The following GNB5 variants were observed in gnomAD, a reference collection of about 807,000 sequenced individuals.
The protein encoded by GNB5 is guanine nucleotide-binding protein subunit beta-5.
GNB5 carries 37 observed loss-of-function variants against 55.3 expected under a neutral mutation model. That is an observed-to-expected ratio of 0.67 (90% CI 0.51 to 0.88). The LOEUF is 0.88. Ranked by LOEUF, GNB5 falls within the 40% of genes least tolerant of loss-of-function variation. The pLI, the probability that GNB5 is intolerant of heterozygous loss-of-function variation, is 0.00. For synonymous variants in GNB5, 219 were observed against 198.5 expected, an observed-to-expected ratio of 1.10 and a Z score of -0.87; for missense variants, 476 against 515.3, an observed-to-expected ratio of 0.92 and a Z score of 0.74.
chr15:52,128,354 A>C (rs2033481144), intron 9 of GNB5, 110 bp from the exon 10 acceptor site: 1 of 747,252 alleles, frequency 1.3e-6, no homozygotes, highest in Non-Finnish European at 2.4e-6. Context: ...GACTCAAGGA[A>C]CATTTGCAGC....
intron 8 of GNB5, among the ~76,000 whole-genome samples, chr15:52,133,718 T>C (rs897825049): frequency 2.0e-5 from 3 of 152,220 alleles, no homozygotes; most frequent in African/African-American, 7.2e-5. Flanking sequence ...TGTTTTCTTC[T>C]TTTGCACATT....
Position 52,184,643 on chromosome 15 carries a change from C to G in GNB5, c.34G>C (p.Gly12Arg), listed in dbSNP as rs1260148036. 3 of 1,613,140 alleles carry G rather than the reference C, an allele frequency of 1.9e-6. No homozygotes were observed. Among genetic ancestry groups the G allele is most frequent in the Non-Finnish European group, 2.5e-6 (3 of 1,179,344 alleles). ...CDQTFLVNVF[G>R]SCDKCFKQRA... is the part of the protein sequence containing the mutation. ...TGTTTGAAACATTTGTCACATGAGC[C>G]AAATACATTAACGAGAAAGGTCTGA... The change falls in exon 2 of 13, where the codon GGC becomes CGC. Residue 12 changes from glycine (G) to arginine (R), a missense_variant. Coordinates refer to ENST00000261837, the MANE Select transcript of GNB5 (RefSeq NM_016194.4).
chr15:52,184,762 T>G (rs1765833164), intron 1 of GNB5, 68 bp from the exon 2 acceptor site: 1 of 1,335,518 alleles, frequency 7.5e-7, no homozygotes, highest in South Asian at 1.3e-5. Flanking sequence ...CTAAAATCTC[T>G]TCTTGCTTGT....
Position 52,174,239 on chromosome 15 carries a change from G to A in GNB5, c.238+5529C>T, listed in dbSNP as rs540802878. On this transcript the variant is annotated intron_variant, in intron 3 of 12. Transcript: ENST00000261837. ...GACCTGCCCACCCATTTTAGTCACC[G>A]ATTATAGACCTCCAGCACTATAAGA... Among the ~76,000 whole-genome samples the A allele has an allele frequency of 6.6e-5, 10 of 152,280 alleles. No homozygotes were observed. In the East Asian group the frequency reaches 1.5e-3, roughly 24 times the overall value.
intron 4 of GNB5, among the ~76,000 whole-genome samples, chr15:52,153,130 C>T (rs1013114483): frequency 6.6e-6 from 1 of 152,214 alleles, no homozygotes; most frequent in African/African-American, 2.4e-5. Flanking sequence ...ACAACAGGAG[C>T]AATGGACTGT....
intron 11 of GNB5, 54 bp downstream of exon 11, chr15:52,125,894 T>G: frequency 1.3e-6 from 1 of 756,096 alleles, no homozygotes; most frequent in South Asian, 1.5e-5. Flanking sequence ...AGCGCTAGTT[T>G]CATTCTGGTC....
At chr15:52,181,121 C>T (rs1335853529) in intron 2 of GNB5, 2 of 152,228 alleles carry the variant, frequency 1.3e-5, no homozygotes, top group Non-Finnish European at 2.9e-5. Flanking sequence ...GTGCTGTCCC[C>T]ACCTCTCTGT....
intron 5 of GNB5, among the ~76,000 whole-genome samples, chr15:52,147,811 G>C (rs9972619): frequency 6.6e-6 from 1 of 152,116 alleles, no homozygotes. Flanking sequence ...TCGAACTCCT[G>C]ACTTCAAGTG....
At chr15:52,144,984 T>C (rs896587489) in intron 6 of GNB5, among the ~76,000 whole-genome samples, 19 of 152,308 alleles carry the variant, frequency 1.2e-4, no homozygotes, top group Non-Finnish European at 2.2e-4. Context: ...AATAAAACTG[T>C]GGTAGTAAGT....
intron 3 of GNB5, among the ~76,000 whole-genome samples, chr15:52,157,614 A>T (rs17540734): frequency 6.6e-6 from 1 of 152,072 alleles, no homozygotes; most frequent in Non-Finnish European, 1.5e-5. Flanking sequence ...TTTTACTTAG[A>T]AATTTTACAT....
chr15:52,177,279 C>T (rs12916135), intron 3 of GNB5, among the ~76,000 whole-genome samples: 27,831 of 151,540 alleles, frequency 0.18, 2,827 homozygotes, highest in Admixed American at 0.27. Context: ...ATGATCCACC[C>T]GCCTTGGCCT....
intron 3 of GNB5, among the ~76,000 whole-genome samples, chr15:52,178,343 G>T (rs1307091287): frequency 6.6e-6 from 1 of 152,196 alleles, no homozygotes; most frequent in East Asian, 1.9e-4. Flanking sequence ...CTGGGAGAAG[G>T]ATTTCTGGGA....
At chr15:52,128,361 C>T (rs2033481383) in intron 9 of GNB5, 117 bp from the exon 10 acceptor site, 7 of 710,368 alleles carry the variant, frequency 9.9e-6, no homozygotes, top group Non-Finnish European at 1.8e-5. Context: ...GGAACATTTG[C>T]AGCAGAAGAC....
At chr15:52,128,271 G>A (rs370186261) in intron 9 of GNB5, 27 bp from the exon 10 acceptor site, 85 of 1,528,954 alleles carry the variant, frequency 5.6e-5, no homozygotes, top group Non-Finnish European at 7.3e-5. Context: ...CTTTATCTAC[G>A]GTTGTGACTC....
chr15:52,156,635 G>T (rs1170562341), intron 3 of GNB5, among the ~76,000 whole-genome samples: 2 of 152,186 alleles, frequency 1.3e-5, no homozygotes, highest in African/African-American at 4.8e-5. Context: ...GGAGGCCGAG[G>T]TGGGAGAACT....
intron 3 of GNB5, among the ~76,000 whole-genome samples, chr15:52,159,331 G>A (rs753900212): frequency 3.3e-4 from 50 of 152,122 alleles, no homozygotes; most frequent in South Asian, 6.2e-4. Context: ...CACTGGAGGA[G>A]GGAAACCAGG....
chr15:52,187,975 T>TA (rs1566952995), intron 1 of GNB5, among the ~76,000 whole-genome samples: 6 of 146,308 alleles, frequency 4.1e-5, no homozygotes, highest in Non-Finnish European at 7.5e-5. Context: ...TAAAAATAAA[T>TA]AAATAAATAA....
chr15:52,138,342 C>T (rs2033773995), intron 7 of GNB5: 3 of 157,766 alleles, frequency 1.9e-5, no homozygotes, highest in African/African-American at 7.5e-5. Flanking sequence ...GAGATCACGC[C>T]ACTGTACTCC....
intron 3 of GNB5, among the ~76,000 whole-genome samples, chr15:52,162,517 A>G (rs2034356575): frequency 6.6e-6 from 1 of 152,206 alleles, no homozygotes; most frequent in South Asian, 2.1e-4. Context: ...ATACTCTGAA[A>G]CCGACTGCAA....
Sources: allele counts gnomAD v4.1 joint callset (sites outside exome capture counted in the v4.1 genomes callset), GRCh38; gene constraint gnomAD v4.1.1; transcripts MANE v1.5; gene names NCBI Gene and HGNC (gene_info 2026-07-23, HGNC 2026-07-21).